ADGRL3: variants seen among roughly 807,000 people sequenced by gnomAD.
The protein encoded by ADGRL3 is adhesion G protein-coupled receptor L3, also known as calcium-independent alpha-latrotoxin receptor 3.
A neutral mutation model predicts 153.5 loss-of-function variants in ADGRL3; 62 were observed. The observed-to-expected ratio is 0.40, with a 90% CI of 0.33 to 0.50. The LOEUF is 0.50. Among genes scored for constraint, ADGRL3 ranks in the 20% least tolerant of loss-of-function variants. The pLI is 0.47. For synonymous variants in ADGRL3, 710 were observed against 672.5 expected, an observed-to-expected ratio of 1.06 and a Z score of -0.86; for missense variants, 1,641 against 1,859.4, an observed-to-expected ratio of 0.88 and a Z score of 2.16.
At chr4:61,222,764 C>A (rs1484470235) in intron 1 of ADGRL3, among the ~76,000 whole-genome samples, 7 of 152,094 alleles carry the variant, frequency 4.6e-5, no homozygotes, top group African/African-American at 1.7e-4. Flanking sequence ...GAATAATTTC[C>A]TCTTGAAACA....
At chr4:61,643,941 C>T (rs1289997938) in intron 5 of ADGRL3, among the ~76,000 whole-genome samples, 1 of 131,292 alleles carries the variant, frequency 7.6e-6, no homozygotes, top group African/African-American at 2.9e-5. Flanking sequence ...GGTTGGTAAG[C>T]TATTGATTAT....
chr4:61,829,329 C>T (rs1270186964), intron 9 of ADGRL3, among the ~76,000 whole-genome samples: 1 of 152,156 alleles, frequency 6.6e-6, no homozygotes, highest in African/African-American at 2.4e-5. Flanking sequence ...AAATGTATTT[C>T]TCCTAATACC....
chr4:61,272,109 T>G (rs2093217620), intron 1 of ADGRL3, among the ~76,000 whole-genome samples: 1 of 146,980 alleles, frequency 6.8e-6, no homozygotes, highest in Admixed American at 6.9e-5. Flanking sequence ...TTAGAATCCC[T>G]GATTTCTCTA....
intron 13 of ADGRL3, among the ~76,000 whole-genome samples, chr4:61,917,591 C>T (rs1286934948): frequency 6.6e-6 from 1 of 152,164 alleles, no homozygotes. Context: ...ATTCCAGTTG[C>T]TCCACAACCT....
intron 19 of ADGRL3, among the ~76,000 whole-genome samples, chr4:61,991,375 G>A (rs2099103077): frequency 6.6e-6 from 1 of 151,770 alleles, no homozygotes; most frequent in South Asian, 2.1e-4. Context: ...TGAGACCATG[G>A]CAATCACTCA....
At chr4:61,805,605 A>G (rs2097545160) in intron 8 of ADGRL3, among the ~76,000 whole-genome samples, 1 of 152,140 alleles carries the variant, frequency 6.6e-6, no homozygotes, top group African/African-American at 2.4e-5. Flanking sequence ...TATTTTCTTT[A>G]TACCAGCAAC....
chr4:61,947,001 C>A lies in ADGRL3; in HGVS notation c.2507C>A (p.Ala836Asp). 6.2e-7 allele frequency: 1 copy of A among 1,613,756 alleles called. No homozygotes were observed. The highest frequency in any genetic ancestry group is 8.5e-7 in the Non-Finnish European group (1 of 1,179,762). The change falls in exon 16 of 27, where the codon GCT becomes GAT. Residue 836 changes from alanine to aspartate, a missense_variant. Physicochemically the swap from Ala to Asp is moderately radical, Grantham distance 126 (BLOSUM62 -2). Around this residue, in one of 5 missense-constraint regions of ADGRL3, gnomAD observed 734 missense variants for 797.0 expected, o/e 0.92. Coordinates refer to ENST00000683033, the MANE Select transcript of ADGRL3 (RefSeq NM_001387552.1). ...GCCAGTATGAAGTTGGGAACGGAAGCTTTGTCCACAAATCATTCTGTTATT... is the reference window on the plus strand; with the variant it reads ...GCCAGTATGAAGTTGGGAACGGAAGATTTGTCCACAAATCATTCTGTTATT... Reference protein sequence around the residue: ...ENASMKLGTEALSTNHSVIVN... With the variant: ...ENASMKLGTEDLSTNHSVIVN...
chr4:61,507,398 G>C (rs1001092165), intron 3 of ADGRL3, among the ~76,000 whole-genome samples: 5 of 151,962 alleles, frequency 3.3e-5, no homozygotes, highest in Admixed American at 3.3e-4. Flanking sequence ...TCTGCAGACA[G>C]ATAAAAAACC....
chr4:61,610,138 G>GATATATAT lies in ADGRL3; in HGVS notation c.473+22710_473+22717dup, dbSNP rs34171023. Among the ~76,000 whole-genome samples the GATATATAT allele has an allele frequency of 5.1e-3, 754 of 146,842 alleles. 3 individuals are homozygous for GATATATAT. Among genetic ancestry groups the GATATATAT allele is most frequent in the African/African-American group, 0.017 (681 of 40,252 alleles). On this transcript the variant is annotated intron_variant, in intron 5 of 26. Transcript: ENST00000683033. ...TTTTAGTTTAAAATAAGGGAAGTGA[G>GATATATAT]ATATATATATATATATATACTTCTT...
intron 5 of ADGRL3, among the ~76,000 whole-genome samples, chr4:61,617,224 G>A (rs1176512378): frequency 6.6e-6 from 1 of 152,116 alleles, no homozygotes; most frequent in African/African-American, 2.4e-5. Context: ...GTGTGAAAAG[G>A]TAACCTCACA....
Position 61,500,229 on chromosome 4 carries a change from G to A in ADGRL3, c.55+2881G>A, listed in dbSNP as rs113568151. Among the ~76,000 whole-genome samples the A allele has an allele frequency of 2.2e-3, 342 of 152,058 alleles. 1 individual carries two copies. The highest frequency in any genetic ancestry group is 8.0e-3 in the African/African-American group (331 of 41,470). ...ATTATCTTGAGTTTTGAACCATAGA[G>A]GACAAAACAATATAGAAGCTTTTTA... On this transcript the variant is annotated intron_variant, in intron 3 of 26. Transcript: ENST00000683033.
At chr4:61,821,519 T>A (rs1275439080) in intron 9 of ADGRL3, among the ~76,000 whole-genome samples, 1 of 152,018 alleles carries the variant, frequency 6.6e-6, no homozygotes, top group African/African-American at 2.4e-5. Context: ...TGCACCACCA[T>A]GCCTAGCTAA....
At position 61,534,624 on chromosome 4, in the gene ADGRL3, T is replaced by C. The variant is rs376737425; in HGVS notation, c.259+17106T>C. Among the ~76,000 whole-genome samples, 19 of 152,246 alleles carry C rather than the reference T, an allele frequency of 1.2e-4. No homozygotes were observed. In the East Asian group the frequency reaches 3.3e-3, roughly 26 times the overall value. On this transcript the variant is annotated intron_variant, in intron 4 of 26. Transcript: ENST00000683033. Reference sequence around the variant, plus strand: ...ATCTACAATTTCATTCATCAGTGTTTTGTGGTTCTCCTCGTAGAGGATTTT... The same window carrying C: ...ATCTACAATTTCATTCATCAGTGTTCTGTGGTTCTCCTCGTAGAGGATTTT...
chr4:61,755,880 C>A (rs1162503167), intron 8 of ADGRL3, among the ~76,000 whole-genome samples: 3 of 152,110 alleles, frequency 2.0e-5, no homozygotes, highest in African/African-American at 4.8e-5. Flanking sequence ...ATAGGGAATC[C>A]TTTCCCCATT....
intron 11 of ADGRL3, among the ~76,000 whole-genome samples, chr4:61,902,918 C>T (rs533450857): frequency 2.0e-5 from 3 of 152,212 alleles, no homozygotes; most frequent in East Asian, 3.9e-4. Context: ...TATAAGCTCC[C>T]TCTTACTAGA....
rs751689556 is a variant in ADGRL3, at chr4:61,815,373, G to A, written c.1480+1484G>A. Among the ~76,000 whole-genome samples the A allele has an allele frequency of 6.0e-4, 91 of 152,190 alleles. No individual in the cohort carries two copies. In the Middle Eastern group the frequency reaches 0.01, roughly 17 times the overall value. ...TGTTACATCATAACATTATCAGTTCGAGATATGAGAAACATATTTCTGGTG... is the reference window on the plus strand; with the variant it reads ...TGTTACATCATAACATTATCAGTTCAAGATATGAGAAACATATTTCTGGTG... On this transcript the variant is annotated intron_variant, in intron 9 of 26. Coordinates refer to ENST00000683033, the MANE Select transcript of ADGRL3 (RefSeq NM_001387552.1).
chr4:61,456,673 G>A (rs1051697969), intron 2 of ADGRL3, among the ~76,000 whole-genome samples: 4 of 151,188 alleles, frequency 2.6e-5, no homozygotes, highest in Non-Finnish European at 5.9e-5. Flanking sequence ...AACCATGGGC[G>A]ACCATTTTTT....
At chr4:61,701,334 C>T (rs557186317) in intron 6 of ADGRL3, among the ~76,000 whole-genome samples, 1 of 151,864 alleles carries the variant, frequency 6.6e-6, no homozygotes, top group Non-Finnish European at 1.5e-5. Flanking sequence ...GGAATATCAG[C>T]CACACAGTGT....
chr4:61,291,217 C>CACAT (rs1560433692), intron 1 of ADGRL3, among the ~76,000 whole-genome samples: 1 of 145,794 alleles, frequency 6.9e-6, no homozygotes, highest in African/African-American at 2.6e-5. Context: ...CACACACACA[C>CACAT]GCACACACAC....
Sources: allele counts gnomAD v4.1 joint callset (sites outside exome capture counted in the v4.1 genomes callset), GRCh38; gene constraint gnomAD v4.1.1; regional missense constraint gnomAD v4.1.1; transcripts MANE v1.5; gene names NCBI Gene and HGNC (gene_info 2026-07-23, HGNC 2026-07-21).